Variants in TBC1D22A observed in about 807,000 individuals in gnomAD.
The protein encoded by TBC1D22A is putative GTPase activator.
In TBC1D22A, 38 loss-of-function variants were observed where a neutral mutation model predicts 60.2. That is an observed-to-expected ratio of 0.63 (90% CI 0.49 to 0.83). The LOEUF (loss-of-function observed/expected upper bound fraction) is 0.83, where lower values mean the gene tolerates loss of function less well. TBC1D22A is among the 40% of genes least tolerant of loss of function. The probability of loss-of-function intolerance (pLI) is 0.00; values close to 1 mark genes in which losing one functional copy is unlikely to be tolerated. For synonymous variants in TBC1D22A, 302 were observed against 281.7 expected (o/e 1.07, Z -0.72); for missense variants, 628 against 701.0 (o/e 0.90, Z 1.18).
intron 4 of TBC1D22A, among the ~76,000 whole-genome samples, chr22:46,829,368 C>G (rs1179517668): frequency 6.6e-6 from 1 of 152,158 alleles, no homozygotes; most frequent in Non-Finnish European, 1.5e-5. Flanking sequence ...TGTTGTGGAA[C>G]TCACCCCCTT....
intron 11 of TBC1D22A, among the ~76,000 whole-genome samples, chr22:47,041,585 G>C (rs900630127): frequency 1.3e-5 from 2 of 152,222 alleles, no homozygotes; most frequent in African/African-American, 4.8e-5. Context: ...TTTCACGGAA[G>C]CCCTGGTGGG....
rs148128338 is a variant in TBC1D22A at position 46,985,473 on chromosome 22, A to AG, written c.1125+11075dup. Among the ~76,000 whole-genome samples, 1,106 of 152,368 alleles carry AG rather than the reference A, an allele frequency of 7.3e-3. 1 individual carries two copies. Among genetic ancestry groups the AG allele is most frequent in the Non-Finnish European group, 0.012 (822 of 68,036 alleles). ...AATGTGTTAGTCACTGGGCTCTGAC[A>AG]GAAGGTTCATTAAGAATGAATCATT... is the stretch of plus-strand genomic sequence containing the variant. On this transcript the variant is annotated intron_variant, in intron 9 of 12. Coordinates refer to ENST00000337137, the MANE Select transcript of TBC1D22A (RefSeq NM_014346.5).
chr22:46,956,053 T>C (rs1602654442), intron 8 of TBC1D22A, among the ~76,000 whole-genome samples: 1 of 152,164 alleles, frequency 6.6e-6, no homozygotes, highest in Admixed American at 6.5e-5. Flanking sequence ...GATCAGGGTA[T>C]AAATAAAAAC....
intron 1 of TBC1D22A, among the ~76,000 whole-genome samples, chr22:46,766,647 T>C (rs2083296437): frequency 6.6e-6 from 1 of 152,212 alleles, no homozygotes; most frequent in African/African-American, 2.4e-5. Context: ...GTGATCTTCC[T>C]GCCTCTGCTG....
At chr22:46,959,056 T>G (rs1273875934) in intron 8 of TBC1D22A, among the ~76,000 whole-genome samples, 1 of 152,186 alleles carries the variant, frequency 6.6e-6, no homozygotes, top group Non-Finnish European at 1.5e-5. Flanking sequence ...GTTATGAGAA[T>G]GTGTGCTCCC....
At chr22:46,764,145 G>T (rs569159274) in intron 1 of TBC1D22A, 1 of 152,250 alleles carries the variant, frequency 6.6e-6, no homozygotes, top group East Asian at 1.9e-4. Context: ...GGTTAGCAGC[G>T]TGAGTTACTG....
rs538375244 is a variant in TBC1D22A, at chr22:47,003,916, C to T, written c.1201+6207C>T. Among the ~76,000 whole-genome samples the T allele has an allele frequency of 3.2e-3, 475 of 149,006 alleles. 1 individual carries two copies. The highest frequency in any genetic ancestry group is 0.027 in the South Asian group (126 of 4,638). On this transcript the variant is annotated intron_variant, in intron 10 of 12. Transcript: ENST00000337137. Reference sequence around the variant, plus strand: ...CTACACACGCATGCCTGTATACACACACCCTACGCACGCATGCCTGTATAC... The same window carrying T: ...CTACACACGCATGCCTGTATACACATACCCTACGCACGCATGCCTGTATAC...
At chr22:46,794,992 T>TTTTG (rs1218789740) in intron 3 of TBC1D22A, among the ~76,000 whole-genome samples, 1 of 152,262 alleles carries the variant, frequency 6.6e-6, no homozygotes, top group East Asian at 1.9e-4. Flanking sequence ...TAGGTCTAGT[T>TTTTG]TTTAAAACCA....
chr22:46,803,462 C>T (rs184518175), intron 4 of TBC1D22A, among the ~76,000 whole-genome samples: 30 of 152,220 alleles, frequency 2.0e-4, no homozygotes, highest in African/African-American at 6.0e-4. Flanking sequence ...AGCTGGGGCC[C>T]GGCCCCCAGG....
At chr22:46,918,168 A>G (rs1482387907) in intron 8 of TBC1D22A, among the ~76,000 whole-genome samples, 2 of 152,196 alleles carry the variant, frequency 1.3e-5, no homozygotes, top group African/African-American at 4.8e-5. Context: ...TGCTCTTGTG[A>G]TCATCGTTAC....
intron 8 of TBC1D22A, among the ~76,000 whole-genome samples, chr22:46,921,231 C>T (rs1410866654): frequency 6.6e-6 from 1 of 152,006 alleles, no homozygotes; most frequent in Non-Finnish European, 1.5e-5. Context: ...CGATTCTGAC[C>T]CTCCTCCCGC....
intron 11 of TBC1D22A, among the ~76,000 whole-genome samples, chr22:47,052,862 A>T (rs962717082): frequency 1.3e-5 from 2 of 152,220 alleles, no homozygotes; most frequent in African/African-American, 4.8e-5. Context: ...GTGTTGGCAC[A>T]TCACTGCCAC....
intron 8 of TBC1D22A, among the ~76,000 whole-genome samples, chr22:46,922,814 T>G (rs1183487447): frequency 6.6e-6 from 1 of 152,226 alleles, no homozygotes; most frequent in Non-Finnish European, 1.5e-5. Context: ...AGCTATCAGA[T>G]CTAGGAGCTT....
intron 8 of TBC1D22A, among the ~76,000 whole-genome samples, chr22:46,946,103 C>T (rs2072520756): frequency 6.6e-6 from 1 of 152,194 alleles, no homozygotes; most frequent in African/African-American, 2.4e-5. Context: ...ACACAGCTTT[C>T]CAAAGGGAGG....
At chr22:46,900,374 A>G (rs1384930839) in intron 7 of TBC1D22A, among the ~76,000 whole-genome samples, 1 of 151,418 alleles carries the variant, frequency 6.6e-6, no homozygotes, top group African/African-American at 2.4e-5. Flanking sequence ...CTGGTCTTGA[A>G]CTCCTGACCT....
intron 3 of TBC1D22A, among the ~76,000 whole-genome samples, chr22:46,794,761 A>G (rs1241293926): frequency 3.9e-5 from 6 of 151,910 alleles, no homozygotes; most frequent in South Asian, 2.1e-4. Flanking sequence ...AGCAGGTGTC[A>G]TCTGAAACGG....
chr22:46,950,817 A>G (rs374590890), intron 8 of TBC1D22A, among the ~76,000 whole-genome samples: 29 of 152,158 alleles, frequency 1.9e-4, no homozygotes, highest in African/African-American at 7.0e-4. Context: ...ACCGGGGACA[A>G]TACAAAACCA....
At chr22:46,887,046 G>A (rs899314982) in intron 5 of TBC1D22A, among the ~76,000 whole-genome samples, 1 of 152,188 alleles carries the variant, frequency 6.6e-6, no homozygotes, top group Non-Finnish European at 1.5e-5. Context: ...CATCAAAGAC[G>A]TCATTAATAG....
chr22:46,927,631 G>GA (rs1296780381), intron 8 of TBC1D22A, among the ~76,000 whole-genome samples: 1 of 151,952 alleles, frequency 6.6e-6, no homozygotes, highest in African/African-American at 2.4e-5. Flanking sequence ...ATCCAGAATG[G>GA]AAAAAAATAA....
Sources: gnomAD v4.1 joint callset for allele counts (sites outside exome capture counted in the v4.1 genomes callset) on GRCh38, gnomAD v4.1.1 for gene constraint, MANE v1.5 for transcripts, NCBI Gene and HGNC (gene_info 2026-07-23, HGNC 2026-07-21) for gene names.